DLG5: variants seen among roughly 807,000 people sequenced by gnomAD.
DLG5 encodes the protein discs large MAGUK scaffold protein 5.
In DLG5, 48 loss-of-function variants were observed where a neutral mutation model predicts 189.8. That is an observed-to-expected ratio of 0.25 (90% CI 0.20 to 0.32). The LOEUF is 0.32. DLG5 is among the 10% of genes least tolerant of loss of function. The pLI, the probability that DLG5 is intolerant of heterozygous loss-of-function variation, is 1.00. For missense variants in DLG5, 2,160 were observed against 2,544.7 expected, an observed-to-expected ratio of 0.85 and a Z score of 3.25; for synonymous variants, 1,016 against 1,054.1, an observed-to-expected ratio of 0.96 and a Z score of 0.70.
At chr10:77,909,497 A>G (rs1846155636) in intron 1 of DLG5, among the ~76,000 whole-genome samples, 1 of 152,076 alleles carries the variant, frequency 6.6e-6, no homozygotes, top group African/African-American at 2.4e-5. Context: ...CAGAACTTAA[A>G]GGTATTAAAA....
rs572609248 is a variant in DLG5 at position 77,912,195 on chromosome 10, C to T, written c.304+14022G>A. On this transcript the variant is annotated intron_variant, in intron 1 of 31. Coordinates refer to ENST00000372391, the MANE Select transcript of DLG5 (RefSeq NM_004747.4). Reference sequence around the variant, plus strand: ...TGACAGCATGGGCAACAGGGTAAGACCCTGTCTCTTTAAAAAAAAAAAAAA... The same window carrying T: ...TGACAGCATGGGCAACAGGGTAAGATCCTGTCTCTTTAAAAAAAAAAAAAA... The T allele has an allele frequency of 4.6e-5, 6 of 129,330 alleles. No individual in the cohort carries two copies. The East Asian group carries it at 1.4e-3, about 30-fold the overall frequency. The allele number at this position is 129,330 out of a possible 1,614,324, so 8.0% of individuals were successfully genotyped here.
At position 77,796,516 on chromosome 10, in the gene DLG5, A is replaced by G; in HGVS notation, c.5243T>C (p.Leu1748Ser). 1.2e-6 allele frequency: 2 copies of G among 1,614,210 alleles called. No individual in the cohort carries two copies. The highest frequency in any genetic ancestry group is 2.2e-5 in the South Asian group (2 of 91,088). ...ALRPVLILGP[L>S]LDVVKEMLVN... ...CAGCATCTCCTTCACCACGTCCAGC[A>G]AAGGCCCCAGAATCAGGACAGGCCT... The change falls in exon 28 of 32, where the codon TTG becomes TCG. Residue 1748 changes from leucine to serine, a missense_variant. This residue lies in a region of DLG5 where 574 missense variants were observed against 644.2 expected (regional missense o/e 0.89). Transcript: ENST00000372391. The surrounding 1 kb of genome is among the most constrained non-coding windows in gnomAD (Gnocchi z 5.2).
In DLG5 at chr10:77,821,385, C is replaced by T. The variant is rs1842346147; in HGVS notation, c.3099G>A (p.Glu1033=). 6.2e-7 allele frequency: 1 copy of T among 1,612,530 alleles called. No individual in the cohort carries two copies. Among genetic ancestry groups the T allele is most frequent in the South Asian group, 1.1e-5 (1 of 91,082 alleles). The change falls in exon 15 of 32, where the codon GAG becomes GAA. Residue 1033 remains glutamate (E), a synonymous_variant. Transcript: ENST00000372391. ...KFQHRLETSS[E]SEATLVGSSP... ...AGCTGCCCACCAGAGTGGCTTCTGACTCGGAGCTAGTCTCCAGCCTGTGCT... is the reference window on the plus strand; with the variant it reads ...AGCTGCCCACCAGAGTGGCTTCTGATTCGGAGCTAGTCTCCAGCCTGTGCT...
At chr10:77,869,921 A>G (rs1220943154) in intron 1 of DLG5, among the ~76,000 whole-genome samples, 1 of 151,570 alleles carries the variant, frequency 6.6e-6, no homozygotes, top group African/African-American at 2.4e-5. Flanking sequence ...GGTCGTGCTG[A>G]GCAAGTAGCT....
chr10:77,815,551 T>G (rs1842008531), intron 20 of DLG5, among the ~76,000 whole-genome samples: 1 of 152,050 alleles, frequency 6.6e-6, no homozygotes, highest in Admixed American at 6.6e-5. Flanking sequence ...TCTCAGCTAC[T>G]CAGGAGGCTG....
intron 1 of DLG5, among the ~76,000 whole-genome samples, chr10:77,925,654 T>C (rs1846662715): frequency 6.6e-6 from 1 of 152,102 alleles, no homozygotes; most frequent in Non-Finnish European, 1.5e-5. Flanking sequence ...CCGGGCCCAG[T>C]TTCCAAAGAA....
Position 77,887,845 on chromosome 10 carries a change from C to A in DLG5, c.305-18648G>T, listed in dbSNP as rs114419436. 1.8e-3 allele frequency among the ~76,000 whole-genome samples: 272 copies of A among 152,322 alleles called. 2 individuals carry two copies. The highest frequency in any genetic ancestry group is 6.4e-3 in the African/African-American group (266 of 41,562). Reference sequence around the variant, plus strand: ...AGACCTTGAGGGACAGACAAACAGGCTCCAGAGCCACACGCCTTTGTGTGT... The same window carrying A: ...AGACCTTGAGGGACAGACAAACAGGATCCAGAGCCACACGCCTTTGTGTGT... On this transcript the variant is annotated intron_variant, in intron 1 of 31. Transcript: ENST00000372391.
Position 77,926,671 on chromosome 10 carries a change from G to T in DLG5, c.-151C>A. 2.5e-6 allele frequency: 1 copy of T among 398,708 alleles called. No individual in the cohort carries two copies. Among genetic ancestry groups the T allele is most frequent in the Non-Finnish European group, 3.4e-6 (1 of 293,978 alleles). 24.7% of individuals were successfully genotyped at this position (398,708 alleles called of 1,614,324 possible). On this transcript the variant is annotated 5_prime_UTR_variant, in exon 1 of 32. Coordinates refer to ENST00000372391, the MANE Select transcript of DLG5 (RefSeq NM_004747.4). The surrounding 1 kb of genome is among the most constrained non-coding windows in gnomAD (Gnocchi z 5.2). ...GGGCCGGGGCCTGGGCGGGCTGGGG[G>T]CCCGGGGCGGCGGGCGGCGCTCAGC...
In DLG5 at chr10:77,807,935, G is replaced by C; in HGVS notation, c.4657C>G (p.Leu1553Val). The change falls in exon 25 of 32, where the codon CTG becomes GTG. Residue 1553 changes from leucine (L) to valine (V), a missense_variant. By Grantham distance (32) the Leu-to-Val change is conservative. Around this residue, in one of 5 missense-constraint regions of DLG5, gnomAD observed 574 missense variants for 644.2 expected, o/e 0.89. Transcript: ENST00000372391. ...TCCACTGTCTTGTTCCGCACGTCCAGGCTGCCATACTGCCAGGGATGGGGG... is the reference window on the plus strand; with the variant it reads ...TCCACTGTCTTGTTCCGCACGTCCACGCTGCCATACTGCCAGGGATGGGGG... ...PGDLILEYGS[L>V]DVRNKTVEEV... The C allele has an allele frequency of 6.2e-7, 1 of 1,614,190 alleles. No homozygotes were observed. Among genetic ancestry groups the C allele is most frequent in the Middle Eastern group, 1.6e-4 (1 of 6,062 alleles).
intron 1 of DLG5, among the ~76,000 whole-genome samples, chr10:77,896,106 G>A (rs112312512): frequency 0.02 from 3,014 of 150,632 alleles, 104 homozygotes; most frequent in African/African-American, 0.068. Context: ...TTTGCAGTGA[G>A]CCAAGATCCC....
intron 20 of DLG5, among the ~76,000 whole-genome samples, chr10:77,814,486 TATATA>T (rs2154575391): frequency 9.2e-6 from 1 of 108,866 alleles, no homozygotes; most frequent in East Asian, 2.6e-4. Flanking sequence ...TATATATATA[TATATA>T]TATATATATA....
intron 1 of DLG5, among the ~76,000 whole-genome samples, chr10:77,887,063 C>T (rs1845461467): frequency 6.6e-6 from 1 of 152,190 alleles, no homozygotes; most frequent in East Asian, 1.9e-4. Flanking sequence ...AATACAGTTG[C>T]AACCATTTAC....
At chr10:77,899,695 G>T (rs1366195900) in intron 1 of DLG5, among the ~76,000 whole-genome samples, 1 of 152,094 alleles carries the variant, frequency 6.6e-6, no homozygotes, top group African/African-American at 2.4e-5. Flanking sequence ...ACTCCTATAG[G>T]TTCGCTCAGG....
In DLG5 at chr10:77,796,004, C is replaced by G; in HGVS notation, c.5436+57G>C. 1 of 1,612,870 alleles carries G rather than the reference C, an allele frequency of 6.2e-7. No individual in the cohort carries two copies. Among genetic ancestry groups the G allele is most frequent in the South Asian group, 1.1e-5 (1 of 90,990 alleles). On this transcript the variant is annotated intron_variant, in intron 29 of 31. Coordinates refer to ENST00000372391, the MANE Select transcript of DLG5 (RefSeq NM_004747.4). The surrounding 1 kb of genome is among the most constrained non-coding windows in gnomAD (Gnocchi z 5.2). ...AGGATCACGGACCAGGGGCCTAGAC[C>G]TGTGCACAGGAGGTCTAATACTGGA...
intron 1 of DLG5, among the ~76,000 whole-genome samples, chr10:77,869,850 A>G (rs1241069329): frequency 1.3e-5 from 2 of 152,154 alleles, no homozygotes; most frequent in East Asian, 3.9e-4. Flanking sequence ...ACCAGATGTT[A>G]CCCTCCCAGC....
the DLG5 span, among the ~76,000 whole-genome samples, chr10:77,938,031 C>G: frequency 6.6e-6 from 1 of 151,660 alleles, no homozygotes; most frequent in Non-Finnish European, 1.5e-5. Context: ...TTTTATACTA[C>G]TTTTATGTGA....
chr10:77,813,221 G>A (rs1841871273), intron 20 of DLG5, among the ~76,000 whole-genome samples: 1 of 152,212 alleles, frequency 6.6e-6, no homozygotes, highest in African/African-American at 2.4e-5. Flanking sequence ...ATGGACACCT[G>A]AGATTTTCCT....
chr10:77,849,729 G>A (rs1429686070), intron 5 of DLG5, among the ~76,000 whole-genome samples: 1 of 152,246 alleles, frequency 6.6e-6, no homozygotes, highest in Non-Finnish European at 1.5e-5. Flanking sequence ...AGACAGGAAA[G>A]GGAGAGGGGG....
At chr10:77,895,347 G>C (rs1477016463) in intron 1 of DLG5, among the ~76,000 whole-genome samples, 2 of 152,240 alleles carry the variant, frequency 1.3e-5, no homozygotes, top group Non-Finnish European at 2.9e-5. Flanking sequence ...GGTGTTCAGA[G>C]CTAAGGAGGC....
Sources: allele counts gnomAD v4.1 joint callset (sites outside exome capture counted in the v4.1 genomes callset), GRCh38; gene constraint gnomAD v4.1.1; regional missense constraint gnomAD v4.1.1; non-coding constraint Gnocchi (gnomAD v3.1); transcripts MANE v1.5; gene names NCBI Gene and HGNC (gene_info 2026-07-23, HGNC 2026-07-21).